Variants in ILKAP observed in about 807,000 individuals in gnomAD.
ILKAP encodes the protein integrin-linked kinase-associated serine/threonine phosphatase 2C.
ILKAP carries 11 observed loss-of-function variants against 49.1 expected under a neutral mutation model. The ratio of observed to expected loss-of-function variants is 0.22; its 90% confidence interval spans 0.14 to 0.37. The LOEUF (loss-of-function observed/expected upper bound fraction) is 0.37, where lower values mean the gene tolerates loss of function less well. Among genes scored for constraint, ILKAP ranks in the 10% least tolerant of loss-of-function variants. The pLI is 1.00. For synonymous variants in ILKAP, 186 were observed against 192.8 expected (o/e 0.96, Z 0.29); for missense variants, 363 against 510.8 (o/e 0.71, Z 2.79).
At chr2:238,197,264 T>C (rs1343064712) in intron 1 of ILKAP, among the ~76,000 whole-genome samples, 1 of 152,216 alleles carries the variant, frequency 6.6e-6, no homozygotes, top group Non-Finnish European at 1.5e-5. Context: ...GAATTCCTAA[T>C]ATCCCGAAGT....
chr2:238,186,157 A>G (rs1294565487), intron 5 of ILKAP: 1 of 152,218 alleles, frequency 6.6e-6, no homozygotes, highest in Non-Finnish European at 1.5e-5. Context: ...CATAGAACAT[A>G]TTTACAGAAA....
At chr2:238,173,698 T>C in intron 9 of ILKAP, 45 bp from the exon 10 acceptor site, 1 of 1,601,782 alleles carries the variant, frequency 6.2e-7, no homozygotes, top group Non-Finnish European at 8.5e-7. Context: ...TGACAGATTA[T>C]GGGTCCACAG....
At chr2:238,183,605 C>CGTAGATGA in intron 8 of ILKAP, 48 bp downstream of exon 8, 1 of 1,316,968 alleles carries the variant, frequency 7.6e-7, no homozygotes, top group East Asian at 2.3e-5. Flanking sequence ...AAGTCTTTTC[C>CGTAGATGA]CCATAAAACG....
chr2:238,176,516 T>C (rs1693464946), intron 9 of ILKAP, among the ~76,000 whole-genome samples: 1 of 152,350 alleles, frequency 6.6e-6, no homozygotes, highest in Admixed American at 6.5e-5. Context: ...CCTCCTGCCC[T>C]TACACACTTC....
rs1195410570 is a variant in ILKAP at position 238,185,303 on chromosome 2, G to A, written c.426-16C>T. ...AACCCGAGTACTGAAAGAACGAATTGAGAGTTAATCAAATTCTCACAGCAA... is the reference window on the plus strand; with the variant it reads ...AACCCGAGTACTGAAAGAACGAATTAAGAGTTAATCAAATTCTCACAGCAA... On this transcript the variant is annotated splice_polypyrimidine_tract_variant and intron_variant, in intron 5 of 11. Transcript: ENST00000254654. 2.7e-6 allele frequency: 4 copies of A among 1,505,868 alleles called. No homozygotes were observed. In the African/African-American group the frequency reaches 4.1e-5, roughly 16 times the overall value. The allele number at this position is 1,505,868 out of a possible 1,614,324, so 93.3% of individuals were successfully genotyped here. A position where few individuals can be genotyped will look rare whatever the true frequency, so the allele number is the denominator to read the frequency against.
At chr2:238,178,330 C>CA (rs1693551982) in intron 9 of ILKAP, among the ~76,000 whole-genome samples, 1 of 152,190 alleles carries the variant, frequency 6.6e-6, no homozygotes, top group African/African-American at 2.4e-5. Context: ...CACAGGCGCA[C>CA]ACCACCAGAA....
At chr2:238,189,067 C>A (rs1408720777) in intron 4 of ILKAP, among the ~76,000 whole-genome samples, 1 of 152,168 alleles carries the variant, frequency 6.6e-6, no homozygotes, top group Non-Finnish European at 1.5e-5. Context: ...GCCTGTAATC[C>A]CAGCACTCTG....
chr2:238,182,463 T>G (rs1453544021), intron 8 of ILKAP, among the ~76,000 whole-genome samples: 2 of 152,190 alleles, frequency 1.3e-5, no homozygotes, highest in Non-Finnish European at 2.9e-5. Context: ...CTGGCTGTTG[T>G]CACATTTGTG....
At chr2:238,198,981 C>G (rs773535095) in intron 1 of ILKAP, among the ~76,000 whole-genome samples, 10 of 152,184 alleles carry the variant, frequency 6.6e-5, no homozygotes, top group Non-Finnish European at 1.5e-4. Flanking sequence ...CCACACCCCC[C>G]AACCACAGTA....
chr2:238,197,506 C>G (rs1694394715), intron 1 of ILKAP, among the ~76,000 whole-genome samples: 1 of 152,200 alleles, frequency 6.6e-6, no homozygotes, highest in Admixed American at 6.5e-5. Flanking sequence ...ACTTGCCCAT[C>G]TAAATCAGGT....
At chr2:238,177,267 A>C (rs1425117432) in intron 9 of ILKAP, among the ~76,000 whole-genome samples, 1 of 148,226 alleles carries the variant, frequency 6.7e-6, no homozygotes, top group African/African-American at 2.6e-5. Flanking sequence ...CTTTTTACTC[A>C]ATTTAGATTT....
chr2:238,201,004 A>C (rs955337842), intron 1 of ILKAP, among the ~76,000 whole-genome samples: 1 of 152,256 alleles, frequency 6.6e-6, no homozygotes, highest in Non-Finnish European at 1.5e-5. Flanking sequence ...TAAACCAAGT[A>C]GTCTGGTTAC....
At chr2:238,187,412 G>A (rs111398372) in intron 5 of ILKAP, among the ~76,000 whole-genome samples, 8 of 152,038 alleles carry the variant, frequency 5.3e-5, no homozygotes, top group Non-Finnish European at 1.2e-4. Flanking sequence ...GTAAAGGTAC[G>A]TAATGTATTT....
chr2:238,171,213 G>A (rs1379225226), intron 10 of ILKAP, among the ~76,000 whole-genome samples, 189 bp from the exon 11 acceptor site: 1 of 145,974 alleles, frequency 6.9e-6, no homozygotes, highest in Non-Finnish European at 1.5e-5. Context: ...AGGCTGGAGT[G>A]CAATGACGCA....
intron 6 of ILKAP, among the ~76,000 whole-genome samples, chr2:238,184,317 G>A (rs1016120743): frequency 6.6e-6 from 1 of 152,182 alleles, no homozygotes; most frequent in African/African-American, 2.4e-5. Context: ...AGCCTCCTGA[G>A]TAGCTGGGAA....
At chr2:238,186,199 C>G (rs1045474431) in intron 5 of ILKAP, 1 of 152,194 alleles carries the variant, frequency 6.6e-6, no homozygotes, top group Admixed American at 6.5e-5. Context: ...CACACCTAAG[C>G]TACATACATG....
In ILKAP at chr2:238,185,206, T is replaced by A; in HGVS notation, c.507A>T (p.Gln169His). Residue 169 changes from glutamine (Q) to histidine (H), a missense_variant, in exon 6 of 12, where the codon CAA becomes CAT. This residue lies in a region of ILKAP where 166 missense variants were observed against 307.3 expected (regional missense o/e 0.54). Transcript: ENST00000254654. ...ASKFAAQNLHQNLIRKFPKGD... is the reference protein window; with the variant it reads ...ASKFAAQNLHHNLIRKFPKGD... ...CTTTAGGAAATTTTCTGATTAAGTTTTGATGCAAATTCTGTGCAGCAAATT... is the reference window on the plus strand; with the variant it reads ...CTTTAGGAAATTTTCTGATTAAGTTATGATGCAAATTCTGTGCAGCAAATT... The A allele has an allele frequency of 3.7e-6, 6 of 1,612,748 alleles. No homozygotes were observed. Among genetic ancestry groups the A allele is most frequent in the Non-Finnish European group, 5.1e-6 (6 of 1,178,744 alleles).
chr2:238,178,784 T>C (rs775576710), intron 9 of ILKAP, among the ~76,000 whole-genome samples: 1 of 149,422 alleles, frequency 6.7e-6, no homozygotes, highest in Admixed American at 6.7e-5. Flanking sequence ...TACACTGATG[T>C]AAATCAATTA....
At chr2:238,193,937 T>C (rs1694247549) in intron 3 of ILKAP, among the ~76,000 whole-genome samples, 1 of 152,206 alleles carries the variant, frequency 6.6e-6, no homozygotes, top group Non-Finnish European at 1.5e-5. Flanking sequence ...CTCGATACAT[T>C]TGAGTCAAGC....
Sources: gnomAD v4.1 joint callset for allele counts (sites outside exome capture counted in the v4.1 genomes callset) on GRCh38, gnomAD v4.1.1 for gene constraint, gnomAD v4.1.1 regional missense constraint, MANE v1.5 for transcripts, NCBI Gene and HGNC (gene_info 2026-07-23, HGNC 2026-07-21) for gene names.